Variants in ADAMTS17 observed in about 807,000 individuals in gnomAD.
The protein encoded by ADAMTS17 is A disintegrin and metalloproteinase with thrombospondin motifs 17.
A neutral mutation model predicts 141.5 loss-of-function variants in ADAMTS17; 113 were observed. The ratio of observed to expected loss-of-function variants is 0.80; its 90% confidence interval spans 0.69 to 0.93. The LOEUF is 0.93. Ranked by LOEUF, ADAMTS17 falls within the 40% of genes least tolerant of loss-of-function variation. The probability of loss-of-function intolerance (pLI) is 0.00; values close to 1 mark genes in which losing one functional copy is unlikely to be tolerated. For synonymous variants in ADAMTS17, 768 were observed against 630.6 expected (o/e 1.22, Z -3.27); for missense variants, 1,659 against 1,517.9 (o/e 1.09, Z -1.54).
At chr15:100,210,102 G>A (rs2041745591) in intron 7 of ADAMTS17, among the ~76,000 whole-genome samples, 1 of 151,794 alleles carries the variant, frequency 6.6e-6, no homozygotes, top group African/African-American at 2.4e-5. Context: ...GGCATAGTGG[G>A]CGCCTGTTGT....
chr15:99,976,429 G>A (rs1005446040), intron 20 of ADAMTS17: 104 of 690,964 alleles, frequency 1.5e-4, no homozygotes, highest in Admixed American at 2.4e-4. Context: ...CTGGGACGAT[G>A]GCCTCACAAT....
At chr15:100,173,799 A>G (rs982007415) in intron 8 of ADAMTS17, among the ~76,000 whole-genome samples, 7 of 152,068 alleles carry the variant, frequency 4.6e-5, no homozygotes, top group Admixed American at 3.9e-4. Flanking sequence ...CCAAACACCA[A>G]TATCAGGGGC....
chr15:100,208,681 C>T (rs1213105216), intron 7 of ADAMTS17, among the ~76,000 whole-genome samples: 1 of 152,000 alleles, frequency 6.6e-6, no homozygotes, highest in East Asian at 1.9e-4. Context: ...CACTTAGATA[C>T]ACTATCTATA....
chr15:100,193,196 C>A (rs1175099094), intron 8 of ADAMTS17, among the ~76,000 whole-genome samples: 1 of 152,240 alleles, frequency 6.6e-6, no homozygotes, highest in Non-Finnish European at 1.5e-5. Flanking sequence ...TTCTGCCCGG[C>A]CCATTATTCC....
intron 8 of ADAMTS17, among the ~76,000 whole-genome samples, chr15:100,190,135 C>T (rs529936612): frequency 2.6e-5 from 4 of 152,312 alleles, no homozygotes; most frequent in East Asian, 1.9e-4. Context: ...TCCAGCGACT[C>T]GCTAAGAAAA....
chr15:100,169,890 C>T (rs1256049299), intron 8 of ADAMTS17, among the ~76,000 whole-genome samples: 1 of 152,144 alleles, frequency 6.6e-6, no homozygotes, highest in Non-Finnish European at 1.5e-5. Flanking sequence ...GAAGCAATGA[C>T]ACCTCTGTTC....
chr15:99,979,447 A>G (rs11637186), intron 20 of ADAMTS17: 93,642 of 151,830 alleles, frequency 0.62, 30,068 homozygotes, highest in Non-Finnish European at 0.71. Context: ...CCAGAAACTG[A>G]GAGTCCACAC....
rs1596123589 is a variant in ADAMTS17, at chr15:99,974,228, A to T, written c.*174T>A. On this transcript the variant is annotated 3_prime_UTR_variant, in exon 22 of 22. Transcript: ENST00000268070. ...TGTAGAAAGCCAGCCAGTGGCTGTTAACAATATATTAAGTACGGAAGCACT... is the reference window on the plus strand; with the variant it reads ...TGTAGAAAGCCAGCCAGTGGCTGTTTACAATATATTAAGTACGGAAGCACT... 1 of 743,570 alleles carries T rather than the reference A, an allele frequency of 1.3e-6. No individual in the cohort carries two copies. The highest frequency in any genetic ancestry group is 1.7e-5 in the South Asian group (1 of 58,482). 46.1% of individuals were successfully genotyped at this position (743,570 alleles called of 1,614,324 possible).
At position 100,299,871 on chromosome 15, in the gene ADAMTS17, G is replaced by A. The variant is rs991443804; in HGVS notation, c.617-18470C>T. 3.3e-5 allele frequency among the ~76,000 whole-genome samples: 5 copies of A among 152,176 alleles called. No homozygotes were observed. In the East Asian group the frequency reaches 7.7e-4, roughly 23 times the overall value. ...CACCAAGCACACCCTACGGGGGCCT[G>A]AGGTTGTGTCCCCACGCTGCTAGGT... On this transcript the variant is annotated intron_variant, in intron 3 of 21. Coordinates refer to ENST00000268070, the MANE Select transcript of ADAMTS17 (RefSeq NM_139057.4).
chr15:100,069,940 CA>C, intron 15 of ADAMTS17, among the ~76,000 whole-genome samples: 1 of 150,350 alleles, frequency 6.7e-6, no homozygotes, highest in East Asian at 1.9e-4. Context: ...TTAAAAGACA[CA>C]GACTAGCAAA....
intron 14 of ADAMTS17, among the ~76,000 whole-genome samples, chr15:100,098,173 C>T (rs8035523): frequency 0.4 from 60,201 of 151,966 alleles, 12,185 homozygotes; most frequent in Admixed American, 0.45. Flanking sequence ...GTAGGTAACA[C>T]ATCAAGACAC....
chr15:100,329,795 C>CA lies in ADAMTS17; in HGVS notation c.616+1093dup, dbSNP rs2045995997. On this transcript the variant is annotated intron_variant, in intron 3 of 21. Coordinates refer to ENST00000268070, the MANE Select transcript of ADAMTS17 (RefSeq NM_139057.4). ...ACACAGACTAGGCTAAGGAGAAAGT[C>CA]AATGTACTGCCATCCAGTCCACACA... Among the ~76,000 whole-genome samples the CA allele has an allele frequency of 5.3e-5, 8 of 152,266 alleles. No individual in the cohort carries two copies. In the South Asian group the frequency reaches 1.7e-3, roughly 32 times the overall value.
intron 4 of ADAMTS17, among the ~76,000 whole-genome samples, chr15:100,278,908 G>C (rs1008841816): frequency 2.6e-5 from 4 of 152,042 alleles, no homozygotes; most frequent in African/African-American, 9.7e-5. Context: ...CCCTGCTCTC[G>C]GGCCTCCTTC....
chr15:100,132,480 C>T (rs756960253), intron 11 of ADAMTS17, among the ~76,000 whole-genome samples: 10 of 152,250 alleles, frequency 6.6e-5, no homozygotes, highest in African/African-American at 1.4e-4. Flanking sequence ...GACGTGAGTG[C>T]GTTTCTCGCT....
At chr15:100,204,801 T>A (rs568280993) in intron 7 of ADAMTS17, among the ~76,000 whole-genome samples, 6 of 152,298 alleles carry the variant, frequency 3.9e-5, no homozygotes, top group African/African-American at 1.4e-4. Flanking sequence ...GAAGAGTAGC[T>A]GAGGCGGAAG....
At chr15:100,293,744 C>T (rs2044720176) in intron 3 of ADAMTS17, among the ~76,000 whole-genome samples, 1 of 152,180 alleles carries the variant, frequency 6.6e-6, no homozygotes, top group Admixed American at 6.5e-5. Flanking sequence ...ACTACGGGGA[C>T]CCAAACATTA....
chr15:100,169,765 G>C (rs1215707575), intron 8 of ADAMTS17, among the ~76,000 whole-genome samples: 5 of 152,344 alleles, frequency 3.3e-5, no homozygotes, highest in Non-Finnish European at 5.9e-5. Flanking sequence ...TGGGGTTAGA[G>C]GTGGAAAGCC....
intron 14 of ADAMTS17, among the ~76,000 whole-genome samples, chr15:100,098,147 T>C (rs2035874884): frequency 6.6e-6 from 1 of 152,180 alleles, no homozygotes; most frequent in Non-Finnish European, 1.5e-5. Context: ...GTGGGCTTGA[T>C]GGTGGCTGGG....
chr15:100,213,620 C>G (rs922577393), intron 7 of ADAMTS17, among the ~76,000 whole-genome samples: 1 of 152,230 alleles, frequency 6.6e-6, no homozygotes, highest in Non-Finnish European at 1.5e-5. Flanking sequence ...GAAGACAAGG[C>G]AGGAGAATCA....
Sources: gnomAD v4.1 joint callset for allele counts (sites outside exome capture counted in the v4.1 genomes callset) on GRCh38, gnomAD v4.1.1 for gene constraint, MANE v1.5 for transcripts, NCBI Gene and HGNC (gene_info 2026-07-23, HGNC 2026-07-21) for gene names.